TSHR: variants seen among roughly 807,000 people sequenced by gnomAD.
TSHR encodes the protein thyrotropin receptor.
In TSHR, 51 loss-of-function variants were observed where a neutral mutation model predicts 64.1. That is an observed-to-expected ratio of 0.80 (90% CI 0.64 to 1.01). TSHR has a LOEUF of 1.01. Ranked by LOEUF, TSHR falls within the 50% of genes least tolerant of loss-of-function variation. TSHR has a pLI of 0.00. For missense variants in TSHR, 877 were observed against 942.8 expected (o/e 0.93, Z 0.91); for synonymous variants, 361 against 361.9 (o/e 1.00, Z 0.03).
At chr14:81,025,647 A>G (rs1320144216) in intron 1 of TSHR, among the ~76,000 whole-genome samples, 2 of 152,216 alleles carry the variant, frequency 1.3e-5, no homozygotes, top group Non-Finnish European at 2.9e-5. Flanking sequence ...TATGTGAGAC[A>G]TTCAATAAAT....
chr14:81,113,515 C>T (rs1890325432), intron 8 of TSHR, among the ~76,000 whole-genome samples: 1 of 152,102 alleles, frequency 6.6e-6, no homozygotes, highest in Non-Finnish European at 1.5e-5. Context: ...TAGAAGAAAT[C>T]TCAAAAAATG....
intron 1 of TSHR, among the ~76,000 whole-genome samples, chr14:81,024,561 T>C (rs1227905924): frequency 6.6e-6 from 1 of 152,168 alleles, no homozygotes; most frequent in Non-Finnish European, 1.5e-5. Context: ...ATGCCTTTCT[T>C]ATAGCAATTC....
chr14:81,013,270 C>G (rs1465240398), intron 1 of TSHR: 1 of 152,156 alleles, frequency 6.6e-6, no homozygotes, highest in Non-Finnish European at 1.5e-5. Context: ...GGCGTTATTT[C>G]TGAGGGCTCT....
chr14:81,068,353 T>G (rs755866784), intron 3 of TSHR, 25 bp downstream of exon 3: 6 of 1,609,148 alleles, frequency 3.7e-6, no homozygotes, highest in Non-Finnish European at 4.2e-6. Flanking sequence ...AAGTGCAGCA[T>G]AGACCTAAGC....
rs1265013397 is a variant in TSHR at position 81,143,355 on chromosome 14, G to A, written c.1297G>A (p.Val433Ile). Residue 433 changes from valine (V) to isoleucine (I), a missense_variant, in exon 10 of 10, where the codon GTC (valine) becomes ATC (isoleucine). Transcript: ENST00000298171. ...TAGTCTGCTGGCTCTCCTGGGCAAT[G>A]TCTTTGTCCTGCTTATTCTCCTCAC... is the stretch of plus-strand genomic sequence containing the variant. ...FVSLLALLGN[V>I]FVLLILLTSH... The A allele has an allele frequency of 1.9e-6, 3 of 1,614,050 alleles. No individual in the cohort carries two copies. The East Asian group carries it at 6.7e-5, about 36-fold the overall frequency.
Position 81,103,718 on chromosome 14 carries a change from CAAGTT to C in TSHR, c.615-4652_615-4648del. 1.0e-6 allele frequency: 1 copy of C among 985,482 alleles called. No homozygotes were observed. The highest frequency in any genetic ancestry group is 5.2e-4 in the Middle Eastern group (1 of 1,914). 61.0% of individuals were successfully genotyped at this position (985,482 alleles called of 1,614,324 possible). ...ACAGAAGTTGAACTGTACTTGGTCA[CAAGTT>C]AAGTCACACATTCATTGTTTGGAAT... On this transcript the variant is annotated intron_variant, in intron 7 of 9. Transcript: ENST00000298171. This position sits in a 1 kb window ranked among gnomAD's most constrained non-coding sequence, Gnocchi z 4.1.
chr14:81,108,579 C>A, intron 8 of TSHR, 127 bp downstream of exon 8: 1 of 1,611,872 alleles, frequency 6.2e-7, no homozygotes, highest in South Asian at 1.1e-5. Flanking sequence ...CGGGTAAAGG[C>A]TTCTGCAAGT....
chr14:81,096,923 G>GGTGTGTGTGTGTGTGT lies in TSHR; in HGVS notation c.614+231_614+246dup, dbSNP rs147149121. On this transcript the variant is annotated intron_variant, in intron 7 of 9. Coordinates refer to ENST00000298171, the MANE Select transcript of TSHR (RefSeq NM_000369.5). Reference sequence around the variant, plus strand: ...GGTAAGTTCCAAAGCTTTTCTCCCTGGTGTGTGTGTGTGTGTGTGTGTGTG... The same window carrying GGTGTGTGTGTGTGTGT: ...GGTAAGTTCCAAAGCTTTTCTCCCTGGTGTGTGTGTGTGTGTGTGTGTGTGTGTGTGTGTGTGTGTG... Among the ~76,000 whole-genome samples, 749 of 148,506 alleles carry GGTGTGTGTGTGTGTGT rather than the reference G, an allele frequency of 5.0e-3. 9 individuals carry two copies. The highest frequency in any genetic ancestry group is 0.016 in the African/African-American group (656 of 40,234).
chr14:81,096,552 A>C (rs1323767433), intron 6 of TSHR, 87 bp from the exon 7 acceptor site: 2 of 1,346,898 alleles, frequency 1.5e-6, no homozygotes, highest in Non-Finnish European at 2.1e-6. Context: ...CATTTATGAC[A>C]CTGAAGAAAT....
chr14:81,032,380 C>T (rs1884392689), intron 1 of TSHR: 1 of 187,166 alleles, frequency 5.3e-6, no homozygotes, highest in Admixed American at 5.8e-5. Context: ...TTTTCTAGCC[C>T]ACCTTAGAGA....
intron 1 of TSHR, among the ~76,000 whole-genome samples, chr14:81,058,175 C>T (rs769076376): frequency 1.4e-4 from 22 of 152,174 alleles, no homozygotes; most frequent in Non-Finnish European, 2.8e-4. Context: ...AAACTGGGTT[C>T]TACCTGCAAA....
intron 3 of TSHR, among the ~76,000 whole-genome samples, chr14:81,078,406 G>A (rs1887651918): frequency 6.6e-6 from 1 of 152,018 alleles, no homozygotes; most frequent in South Asian, 2.1e-4. Flanking sequence ...TCTCCTGTAA[G>A]TAATGTGTTT....
chr14:80,961,919 C>T (rs1318933256), intron 1 of TSHR, among the ~76,000 whole-genome samples: 1 of 152,044 alleles, frequency 6.6e-6, no homozygotes, highest in Non-Finnish European at 1.5e-5. Context: ...TACTTGAATG[C>T]TTGATGAAAC....
chr14:81,100,965 C>T (rs879608593), intron 7 of TSHR, among the ~76,000 whole-genome samples: 5 of 152,142 alleles, frequency 3.3e-5, no homozygotes, highest in African/African-American at 1.2e-4. Flanking sequence ...CTGTCTCCTA[C>T]CTGAAGGTGA....
intron 1 of TSHR, among the ~76,000 whole-genome samples, chr14:81,054,452 A>G (rs1445463116): frequency 1.1e-4 from 17 of 152,236 alleles, no homozygotes. Context: ...GGAACTGGGT[A>G]ACAGGCAGAG....
intron 1 of TSHR, among the ~76,000 whole-genome samples, chr14:80,967,616 C>T (rs904018096): frequency 6.6e-6 from 1 of 152,132 alleles, no homozygotes; most frequent in Non-Finnish European, 1.5e-5. Context: ...TAGGATCACC[C>T]TAGCTACTAT....
chr14:81,015,741 C>T (rs569720905), intron 1 of TSHR, among the ~76,000 whole-genome samples: 6 of 152,182 alleles, frequency 3.9e-5, no homozygotes, highest in African/African-American at 7.2e-5. Flanking sequence ...TCCTGTCTAA[C>T]CGAAATTTTG....
intron 1 of TSHR, chr14:80,983,161 T>G (rs1406696023): frequency 5.2e-6 from 5 of 968,936 alleles, no homozygotes; most frequent in Non-Finnish European, 7.6e-6. Flanking sequence ...GTAATTACTC[T>G]GAATCCTCCT....
intron 1 of TSHR, chr14:80,982,834 G>T (rs545090616): frequency 1.6e-5 from 8 of 503,646 alleles, no homozygotes; most frequent in South Asian, 7.3e-5. Context: ...GTGTCCTTTT[G>T]GTTCCGACCC....
Sources: allele counts gnomAD v4.1 joint callset (sites outside exome capture counted in the v4.1 genomes callset), GRCh38; gene constraint gnomAD v4.1.1; non-coding constraint Gnocchi (gnomAD v3.1); transcripts MANE v1.5; gene names NCBI Gene and HGNC (gene_info 2026-07-23, HGNC 2026-07-21).